PLET1: variants seen among roughly 807,000 people sequenced by gnomAD.
The protein encoded by PLET1 is placenta-expressed transcript 1 protein.
In PLET1, 20 loss-of-function variants were observed where a neutral mutation model predicts 18.5. The observed-to-expected ratio is 1.08, with a 90% CI of 0.76 to 1.57. The LOEUF (loss-of-function observed/expected upper bound fraction) is 1.57. Among genes scored for constraint, PLET1 ranks in the 40% most tolerant of loss-of-function variants. PLET1 has a pLI of 0.00. For synonymous variants in PLET1, 93 were observed against 93.8 expected (o/e 0.99, Z 0.05); for missense variants, 256 against 246.4 (o/e 1.04, Z -0.26).
intron 3 of PLET1, among the ~76,000 whole-genome samples, chr11:112,251,905 T>C (rs909149080): frequency 1.3e-5 from 2 of 152,212 alleles, no homozygotes; most frequent in African/African-American, 4.8e-5. Flanking sequence ...TTCTATGATA[T>C]CAATCCTTCT....
rs755322850 is a variant in PLET1 at position 112,248,963 on chromosome 11, C to CTAAGGT, written c.454_459dup (p.Thr152_Leu153dup). ...CTCTGGGGAATCTTGGCAGCTAAGG[C>CTAAGGT]TAAGGTTGACACTGGAAAGGTGGTT... On this transcript the variant is annotated inframe_insertion, in exon 4 of 4. Coordinates refer to ENST00000338832, the MANE Select transcript of PLET1 (RefSeq NM_001145024.1). 9.0e-6 allele frequency: 14 copies of CTAAGGT among 1,550,136 alleles called. No homozygotes were observed.
chr11:112,260,692 A>G lies in PLET1; in HGVS notation c.-103T>C, dbSNP rs1860279617. On this transcript the variant is annotated 5_prime_UTR_variant, in exon 1 of 4. Coordinates refer to ENST00000338832, the MANE Select transcript of PLET1 (RefSeq NM_001145024.1). ...CTTCTGGGTGAAGTCATACATGCAGATCTTCTCCCTGCCCCTTCTGAATAT... is the reference window on the plus strand; with the variant it reads ...CTTCTGGGTGAAGTCATACATGCAGGTCTTCTCCCTGCCCCTTCTGAATAT... 1 of 993,722 alleles carries G rather than the reference A, an allele frequency of 1.0e-6. No homozygotes were observed. Among genetic ancestry groups the G allele is most frequent in the African/African-American group, 1.6e-5 (1 of 61,022 alleles). The allele number at this position is 993,722 out of a possible 1,614,324, so 61.6% of individuals were successfully genotyped here.
chr11:112,253,494 C>T (rs1860180251), intron 2 of PLET1, among the ~76,000 whole-genome samples: 1 of 152,140 alleles, frequency 6.6e-6, no homozygotes, highest in South Asian at 2.1e-4. Context: ...TGGGAGAGGT[C>T]TGGAGACCAT....
At chr11:112,257,934 G>A (rs1478069177) in intron 1 of PLET1, among the ~76,000 whole-genome samples, 1 of 152,178 alleles carries the variant, frequency 6.6e-6, no homozygotes. Context: ...GTGTAACCAC[G>A]GGTGTGGGAT....
At position 112,256,545 on chromosome 11, in the gene PLET1, G is replaced by A. The variant is rs116726292; in HGVS notation, c.185-956C>T. ...CGCTTTGCACCTGGCCTGGTTCTAGGTCTGGGGATAATGATGTTATCCTTC... is the reference window on the plus strand; with the variant it reads ...CGCTTTGCACCTGGCCTGGTTCTAGATCTGGGGATAATGATGTTATCCTTC... On this transcript the variant is annotated intron_variant, in intron 1 of 3. Transcript: ENST00000338832. Among the ~76,000 whole-genome samples, 755 of 152,270 alleles carry A rather than the reference G, an allele frequency of 5.0e-3. 7 individuals are homozygous for A. Among genetic ancestry groups the A allele is most frequent in the African/African-American group, 0.017 (717 of 41,552 alleles).
rs1270526259 is a variant in PLET1 at position 112,260,558 on chromosome 11, GGCT to G, written c.29_31del (p.Gln10del). ...ACTGAGGCACAGAAACATCCCCAGT[GGCT>G]GCAGCAGCATGTCATGGAAGACTGC... is the stretch of plus-strand genomic sequence containing the variant. On this transcript the variant is annotated inframe_deletion, in exon 1 of 4. Coordinates refer to ENST00000338832, the MANE Select transcript of PLET1 (RefSeq NM_001145024.1). 1.3e-6 allele frequency: 2 copies of G among 1,551,442 alleles called. No individual in the cohort carries two copies. The highest frequency in any genetic ancestry group is 1.7e-6 in the Non-Finnish European group (2 of 1,146,964).
chr11:112,259,794 T>C (rs1461375539), intron 1 of PLET1, among the ~76,000 whole-genome samples: 1 of 152,102 alleles, frequency 6.6e-6, no homozygotes, highest in Non-Finnish European at 1.5e-5. Flanking sequence ...TTCCAGCACT[T>C]TGGGTGACTG....
rs560617061 is a variant in PLET1, at chr11:112,248,998, G to T, written c.449-24C>A. The T allele has an allele frequency of 5.8e-6, 9 of 1,546,318 alleles. No individual in the cohort carries two copies. In the South Asian group the frequency reaches 1.1e-4, roughly 18 times the overall value. ...CACTGGAAAGGTGGTTGAGGGTGCG[G>T]TTGGCACTGGAAAATGGCATCGGAA... On this transcript the variant is annotated intron_variant, in intron 3 of 3. Transcript: ENST00000338832.
chr11:112,260,244 T>C, intron 1 of PLET1, 162 bp downstream of exon 1: 2 of 743,978 alleles, frequency 2.7e-6, no homozygotes, highest in Non-Finnish European at 4.1e-6. Context: ...CCCAGCCCAC[T>C]CCCTTAATTC....
chr11:112,258,731 C>T (rs2135419519), intron 1 of PLET1, among the ~76,000 whole-genome samples: 1 of 152,326 alleles, frequency 6.6e-6, no homozygotes, highest in East Asian at 1.9e-4. Context: ...CACCTGTGCT[C>T]ATCTTGAATT....
intron 1 of PLET1, among the ~76,000 whole-genome samples, chr11:112,259,483 TA>T (rs1277408064): frequency 6.6e-6 from 1 of 152,168 alleles, no homozygotes; most frequent in Non-Finnish European, 1.5e-5. Flanking sequence ...AAGGGCTATA[TA>T]AAAAATATCT....
At chr11:112,258,603 A>G (rs1860251011) in intron 1 of PLET1, among the ~76,000 whole-genome samples, 1 of 152,114 alleles carries the variant, frequency 6.6e-6, no homozygotes, top group South Asian at 2.1e-4. Context: ...TCTTTCCTCC[A>G]TTGCATTAGC....
intron 1 of PLET1, 70 bp downstream of exon 1, chr11:112,260,336 G>C: frequency 7.3e-7 from 1 of 1,363,666 alleles, no homozygotes; most frequent in South Asian, 1.4e-5. Flanking sequence ...CGATAGAGGG[G>C]TGTGTTCTGA....
At chr11:112,258,734 C>T (rs1860253686) in intron 1 of PLET1, among the ~76,000 whole-genome samples, 1 of 152,186 alleles carries the variant, frequency 6.6e-6, no homozygotes, top group African/African-American at 2.4e-5. Flanking sequence ...CTGTGCTCAT[C>T]TTGAATTACA....
chr11:112,259,691 G>A (rs1592892987), intron 1 of PLET1, among the ~76,000 whole-genome samples: 2 of 152,078 alleles, frequency 1.3e-5, no homozygotes, highest in East Asian at 3.9e-4. Context: ...CGGACTAAAT[G>A]CAGTACACAA....
chr11:112,259,333 G>A (rs896721391), intron 1 of PLET1, among the ~76,000 whole-genome samples: 12 of 152,238 alleles, frequency 7.9e-5, no homozygotes, highest in African/African-American at 2.6e-4. Flanking sequence ...CTCTGTCTCT[G>A]TTTCTCATCT....
intron 2 of PLET1, among the ~76,000 whole-genome samples, chr11:112,254,405 T>C (rs1381261364): frequency 1.4e-5 from 2 of 145,062 alleles, no homozygotes; most frequent in Admixed American, 1.4e-4. Flanking sequence ...GGTACCTCTA[T>C]CGTGTGTGTA....
In PLET1 at chr11:112,248,977, G is replaced by A; in HGVS notation, c.449-3C>T. ...GGCAGCTAAGGCTAAGGTTGACACT[G>A]GAAAGGTGGTTGAGGGTGCGGTTGG... On this transcript the variant is annotated splice_polypyrimidine_tract_variant and splice_region_variant and intron_variant, in intron 3 of 3. Transcript: ENST00000338832. 3 of 1,549,962 alleles carry A rather than the reference G, an allele frequency of 1.9e-6. No homozygotes were observed. In the South Asian group the frequency reaches 3.6e-5, roughly 18 times the overall value.
At chr11:112,259,015 T>G (rs1312719256) in intron 1 of PLET1, among the ~76,000 whole-genome samples, 2 of 152,246 alleles carry the variant, frequency 1.3e-5, no homozygotes, top group Non-Finnish European at 2.9e-5. Context: ...AGAAAGGTTC[T>G]GAAGCTGGAC....
Sources: allele counts gnomAD v4.1 joint callset (sites outside exome capture counted in the v4.1 genomes callset), GRCh38; gene constraint gnomAD v4.1.1; transcripts MANE v1.5; gene names NCBI Gene and HGNC (gene_info 2026-07-23, HGNC 2026-07-21).